Variants in YME1L1 observed in about 807,000 individuals in gnomAD.
YME1L1 encodes ATP-dependent zinc metalloprotease YME1L1.
YME1L1 carries 39 observed loss-of-function variants against 90.4 expected under a neutral mutation model. The ratio of observed to expected loss-of-function variants is 0.43; its 90% CI spans 0.33 to 0.56. YME1L1 has a LOEUF of 0.56. Ranked by LOEUF, YME1L1 falls within the 20% of genes least tolerant of loss-of-function variation. YME1L1 has a pLI of 0.03. For missense variants in YME1L1, 617 were observed against 868.4 expected (o/e 0.71, Z 3.64); for synonymous variants, 284 against 287.3 (o/e 0.99, Z 0.12).
At position 27,134,913 on chromosome 10, in the gene YME1L1, T is replaced by C; in HGVS notation, c.609A>G (p.Ile203Met). ...SLDKLMKTKN[I>M]PEAHQDAFKT... ...TAAATGCATCTTGGTGAGCTTCAGG[T>C]ATATTTTTGGTTTTCATGAGTTTGT... The change falls in exon 6 of 19, where the codon ATA (isoleucine) becomes ATG (methionine). Residue 203 changes from isoleucine to methionine, a missense_variant. This residue lies in a region of YME1L1 where 311 missense variants were observed against 335.8 expected (regional missense o/e 0.93). Coordinates refer to ENST00000376016, the MANE Select transcript of YME1L1 (RefSeq NM_014263.4). 6 of 1,613,994 alleles carry C rather than the reference T, an allele frequency of 3.7e-6. No homozygotes were observed. The highest frequency in any genetic ancestry group is 5.1e-6 in the Non-Finnish European group (6 of 1,180,012).
intron 5 of YME1L1, 76 bp downstream of exon 5, chr10:27,136,200 G>C (rs2057025152): frequency 1.7e-6 from 2 of 1,196,882 alleles, no homozygotes; most frequent in Non-Finnish European, 2.4e-6. Flanking sequence ...GCCAACAAAA[G>C]AAATCAGATA....
intron 15 of YME1L1, 53 bp downstream of exon 15, chr10:27,117,523 G>A (rs541454237): frequency 1.4e-5 from 22 of 1,571,608 alleles, no homozygotes; most frequent in African/African-American, 5.4e-5. Flanking sequence ...AGCTGAGATC[G>A]CGCCATTGCA....
At chr10:27,125,700 G>A (rs1228949623) in intron 9 of YME1L1, among the ~76,000 whole-genome samples, 1 of 150,444 alleles carries the variant, frequency 6.6e-6, no homozygotes, top group East Asian at 2.0e-4. Flanking sequence ...AGTGCAGTGG[G>A]AACAATCTCG....
chr10:27,148,845 T>C, intron 2 of YME1L1, 61 bp downstream of exon 2: 3 of 1,586,436 alleles, frequency 1.9e-6, no homozygotes, highest in Admixed American at 1.9e-5. Flanking sequence ...AATCCTTCAT[T>C]TGTTTAAGGG....
Position 27,154,376 on chromosome 10 carries a change from A to G in YME1L1, c.-166T>C. ...GCCTCCCCTTCCTACAGCTACTGCA[A>G]CGACAGACAATCCGCCCCGGAAGGC... On this transcript the variant is annotated 5_prime_UTR_variant, in exon 1 of 19. Coordinates refer to ENST00000376016, the MANE Select transcript of YME1L1 (RefSeq NM_014263.4). 1.3e-6 allele frequency: 1 copy of G among 771,496 alleles called. No homozygotes were observed. Among genetic ancestry groups the G allele is most frequent in the Non-Finnish European group, 2.1e-6 (1 of 484,226 alleles). The allele number at this position is 771,496 out of a possible 1,614,324, so 47.8% of individuals were successfully genotyped here.
chr10:27,115,184 C>T (rs1015918853), intron 17 of YME1L1, among the ~76,000 whole-genome samples: 8 of 152,078 alleles, frequency 5.3e-5, no homozygotes, highest in Admixed American at 1.3e-4. Context: ...ACCCGGGAGG[C>T]GGTAGCTGCA....
chr10:27,141,863 G>A (rs2057091102), intron 4 of YME1L1, among the ~76,000 whole-genome samples: 1 of 152,096 alleles, frequency 6.6e-6, no homozygotes, highest in East Asian at 1.9e-4. Context: ...TCCCATGAAG[G>A]TAGAAAACAT....
chr10:27,134,893 G>A lies in YME1L1; in HGVS notation c.629C>T (p.Ala210Val), dbSNP rs201555033. ...ACCTTCCGCAAAACCAGTTTTAAAT[G>A]CATCTTGGTGAGCTTCAGGTATATT... ...TKNIPEAHQD[A>V]FKTGFAEGFL... The change falls in exon 6 of 19, where the codon GCA becomes GTA. Residue 210 changes from alanine (A) to valine (V), a missense_variant. Transcript: ENST00000376016. 2 of 1,614,006 alleles carry A rather than the reference G, an allele frequency of 1.2e-6. No individual in the cohort carries two copies. Among genetic ancestry groups the A allele is most frequent in the Non-Finnish European group, 1.7e-6 (2 of 1,179,974 alleles).
chr10:27,141,254 G>T (rs1200441305), intron 4 of YME1L1, among the ~76,000 whole-genome samples: 3 of 152,040 alleles, frequency 2.0e-5, no homozygotes, highest in Non-Finnish European at 4.4e-5. Context: ...AAATTAGCTG[G>T]GCCTGGTGGT....
At chr10:27,113,260 A>AAAAAAAAAAAAAAAAAAAAT (rs1564453902) in intron 18 of YME1L1, among the ~76,000 whole-genome samples, 2 of 111,694 alleles carry the variant, frequency 1.8e-5, no homozygotes, top group Non-Finnish European at 3.7e-5. Context: ...AAAAAAAAAA[A>AAAAAAAAAAAAAAAAAAAAT]AAAGACCTGC....
chr10:27,133,726 C>G (rs1006891907), intron 7 of YME1L1, among the ~76,000 whole-genome samples: 1 of 152,000 alleles, frequency 6.6e-6, no homozygotes, highest in African/African-American at 2.4e-5. Context: ...TATGAATAAA[C>G]TGAATTTGTT....
chr10:27,144,825 G>C (rs527362694), intron 3 of YME1L1, among the ~76,000 whole-genome samples: 2 of 152,310 alleles, frequency 1.3e-5, no homozygotes, highest in East Asian at 1.9e-4. Flanking sequence ...AATTCAAATA[G>C]TCTGTAGTTT....
intron 10 of YME1L1, 45 bp downstream of exon 10, chr10:27,123,502 C>G: frequency 6.3e-7 from 1 of 1,588,210 alleles, no homozygotes; most frequent in Non-Finnish European, 8.5e-7. Flanking sequence ...TACACACTTC[C>G]CTTAACAAAA....
At chr10:27,150,831 C>G (rs148407682) in intron 1 of YME1L1, among the ~76,000 whole-genome samples, 311 of 152,094 alleles carry the variant, frequency 2.0e-3, no homozygotes, top group African/African-American at 7.3e-3. Flanking sequence ...CGTGGACAAG[C>G]CCAAGCAGCT....
At chr10:27,132,090 T>C in intron 7 of YME1L1, 149 bp from the exon 8 acceptor site, 1 of 607,802 alleles carries the variant, frequency 1.6e-6, no homozygotes, top group Middle Eastern at 3.2e-4. Context: ...GAATAGAAAC[T>C]AGGTCTTCTG....
chr10:27,122,693 G>T, intron 11 of YME1L1, 148 bp downstream of exon 11: 1 of 1,023,146 alleles, frequency 9.8e-7, no homozygotes, highest in East Asian at 2.7e-5. Context: ...TCTTGCATGA[G>T]GGACTACTCT....
intron 17 of YME1L1, 74 bp from the exon 18 acceptor site, chr10:27,114,681 T>G (rs1054018724): frequency 9.0e-7 from 1 of 1,114,452 alleles, no homozygotes; most frequent in South Asian, 1.4e-5. Context: ...GAAAGTACTA[T>G]CCTATATATA....
At chr10:27,134,729 A>G in intron 6 of YME1L1, 102 bp downstream of exon 6, 1 of 1,178,422 alleles carries the variant, frequency 8.5e-7, no homozygotes, top group Non-Finnish European at 1.2e-6. Context: ...GTGGAATTTA[A>G]TCAATAGATG....
In YME1L1 at chr10:27,154,226, A is replaced by C; in HGVS notation, c.-16T>G. On this transcript the variant is annotated 5_prime_UTR_variant, in exon 1 of 19. Coordinates refer to ENST00000376016, the MANE Select transcript of YME1L1 (RefSeq NM_014263.4). Reference sequence around the variant, plus strand: ...AGGAAAACATCTCCGGCGGGCCCTCAGCGACCTCACCCGCCTGCCGAAACT... The same window carrying C: ...AGGAAAACATCTCCGGCGGGCCCTCCGCGACCTCACCCGCCTGCCGAAACT... 1 of 1,584,104 alleles carries C rather than the reference A, an allele frequency of 6.3e-7. No homozygotes were observed. Among genetic ancestry groups the C allele is most frequent in the South Asian group, 1.1e-5 (1 of 87,270 alleles).
Sources: allele counts gnomAD v4.1 joint callset (sites outside exome capture counted in the v4.1 genomes callset), GRCh38; gene constraint gnomAD v4.1.1; regional missense constraint gnomAD v4.1.1; transcripts MANE v1.5; gene names NCBI Gene and HGNC (gene_info 2026-07-23, HGNC 2026-07-21).